The following LRBA variants were observed in gnomAD, a reference collection of about 807,000 sequenced individuals.
LRBA encodes LPS responsive beige-like anchor protein, also known as lipopolysaccharide-responsive and beige-like anchor protein.
A neutral mutation model predicts 330.0 loss-of-function variants in LRBA; 176 were observed. That is an observed-to-expected ratio of 0.53 (90% CI 0.47 to 0.60). The LOEUF is 0.60. Among genes scored for constraint, LRBA ranks in the 20% least tolerant of loss-of-function variants. The pLI is 0.00. For missense variants in LRBA, 3,259 were observed against 3,444.8 expected (o/e 0.95, Z 1.35); for synonymous variants, 1,230 against 1,193.0 (o/e 1.03, Z -0.64).
At chr4:150,680,890 A>T (rs1158007350) in intron 37 of LRBA, among the ~76,000 whole-genome samples, 1 of 152,224 alleles carries the variant, frequency 6.6e-6, no homozygotes, top group Non-Finnish European at 1.5e-5. Flanking sequence ...TAGAAAAGCC[A>T]TCAATAGTGA....
chr4:150,348,331 T>C (rs1052227530), intron 48 of LRBA, among the ~76,000 whole-genome samples: 8 of 152,166 alleles, frequency 5.3e-5, no homozygotes, highest in Admixed American at 4.6e-4. Context: ...TGCGTAACCT[T>C]TAATGAAAAG....
chr4:150,305,783 T>C (rs1046491590), intron 52 of LRBA, among the ~76,000 whole-genome samples: 2 of 152,222 alleles, frequency 1.3e-5, no homozygotes, highest in Admixed American at 6.5e-5. Flanking sequence ...TGGAAAACAT[T>C]ATTTTTTTAA....
In LRBA at chr4:150,915,700, A is replaced by G. The variant is rs1405065555; in HGVS notation, c.922T>C (p.Tyr308His). Reference sequence around the variant, plus strand: ...AGTTCACTATTCTTCCATCGGTTATAGATGTGTACTATGGTAACCATATAC... The same window carrying G: ...AGTTCACTATTCTTCCATCGGTTATGGATGTGTACTATGGTAACCATATAC... ...KWYMVTIVHI[Y>H]NRWKNSELRC... Residue 308 changes from tyrosine (Y) to histidine (H), a missense_variant, in exon 8 of 57, where the codon TAT becomes CAT. Tyr to His is a moderately conservative substitution (Grantham distance 83). Coordinates refer to ENST00000651943, the MANE Select transcript of LRBA (RefSeq NM_001364905.1). The G allele has an allele frequency of 6.2e-7, 1 of 1,612,572 alleles. No individual in the cohort carries two copies. Among genetic ancestry groups the G allele is most frequent in the Admixed American group, 1.7e-5 (1 of 59,946 alleles).
At position 150,842,901 on chromosome 4, in the gene LRBA, G is replaced by T. The variant is rs116660998; in HGVS notation, c.4569+1199C>A. 4.6e-3 allele frequency among the ~76,000 whole-genome samples: 697 copies of T among 152,214 alleles called. 6 individuals are homozygous for T. Among genetic ancestry groups the T allele is most frequent in the African/African-American group, 0.016 (666 of 41,514 alleles). ...ACAATTTTTCAATGGACCTGTAGGGGGTAAGAGGCGGGGTGGGGGTAGGGG... is the reference window on the plus strand; with the variant it reads ...ACAATTTTTCAATGGACCTGTAGGGTGTAAGAGGCGGGGTGGGGGTAGGGG... On this transcript the variant is annotated intron_variant, in intron 28 of 56. Transcript: ENST00000651943.
chr4:150,277,532 A>G (rs937308704), intron 56 of LRBA, among the ~76,000 whole-genome samples: 2 of 152,180 alleles, frequency 1.3e-5, no homozygotes, highest in Non-Finnish European at 2.9e-5. Context: ...AAGAGTGGCA[A>G]TGTCATCAGA....
At chr4:150,890,052 A>G (rs1466364223) in intron 17 of LRBA, among the ~76,000 whole-genome samples, 1 of 152,200 alleles carries the variant, frequency 6.6e-6, no homozygotes, top group Non-Finnish European at 1.5e-5. Flanking sequence ...GACCTTATCT[A>G]CTACTACTGT....
At chr4:150,527,410 G>C (rs1251024979) in intron 40 of LRBA, among the ~76,000 whole-genome samples, 2 of 152,142 alleles carry the variant, frequency 1.3e-5, no homozygotes, top group Admixed American at 1.3e-4. Context: ...CTTGAGGGCA[G>C]ACTAAAGATT....
At chr4:150,832,215 A>C (rs530720997) in intron 28 of LRBA, among the ~76,000 whole-genome samples, 1 of 152,316 alleles carries the variant, frequency 6.6e-6, no homozygotes, top group Admixed American at 6.5e-5. Context: ...GAAAGAGAGA[A>C]GTTAGCTCAT....
chr4:150,914,593 A>T (rs1732376946), intron 8 of LRBA, among the ~76,000 whole-genome samples: 2 of 152,150 alleles, frequency 1.3e-5, no homozygotes, highest in South Asian at 4.1e-4. Context: ...ATCCTATGCC[A>T]CTGAGTATGG....
chr4:150,736,485 G>C (rs1257621344), intron 35 of LRBA, among the ~76,000 whole-genome samples: 1 of 151,920 alleles, frequency 6.6e-6, no homozygotes, highest in Non-Finnish European at 1.5e-5. Flanking sequence ...GATTTACTGG[G>C]TTATTAAGCT....
chr4:150,634,799 A>G (rs1002815482), intron 37 of LRBA, among the ~76,000 whole-genome samples: 1 of 152,220 alleles, frequency 6.6e-6, no homozygotes, highest in Admixed American at 6.5e-5. Flanking sequence ...AGAGGCTGAT[A>G]AATACAGTTT....
intron 7 of LRBA, 98 bp downstream of exon 7, chr4:150,916,303 G>A (rs973106591): frequency 8.3e-7 from 1 of 1,206,170 alleles, no homozygotes; most frequent in African/African-American, 1.5e-5. Context: ...AAACGAAGTT[G>A]TGCTTTAGCA....
At chr4:150,976,613 C>T (rs1362134279) in intron 2 of LRBA, among the ~76,000 whole-genome samples, 1 of 152,136 alleles carries the variant, frequency 6.6e-6, no homozygotes, top group African/African-American at 2.4e-5. Context: ...CAAGCCTTCA[C>T]CGATCATCGC....
chr4:150,984,465 C>A (rs1468376944), intron 2 of LRBA, among the ~76,000 whole-genome samples: 1 of 151,780 alleles, frequency 6.6e-6, no homozygotes. Flanking sequence ...GTGGAGATTG[C>A]GCCATTGCAC....
intron 24 of LRBA, among the ~76,000 whole-genome samples, chr4:150,850,508 G>C (rs1025698960): frequency 6.6e-6 from 1 of 152,108 alleles, no homozygotes; most frequent in Non-Finnish European, 1.5e-5. Flanking sequence ...TTTTTTAAAA[G>C]AGAAACCTCT....
At chr4:150,273,337 G>A (rs1423552827) in intron 56 of LRBA, among the ~76,000 whole-genome samples, 3 of 152,228 alleles carry the variant, frequency 2.0e-5, no homozygotes, top group African/African-American at 7.2e-5. Context: ...GGAACAACCG[G>A]TACCAGCCAC....
intron 13 of LRBA, 45 bp downstream of exon 13, chr4:150,905,793 A>G: frequency 6.7e-7 from 1 of 1,503,712 alleles, no homozygotes; most frequent in South Asian, 1.3e-5. Context: ...ACGCACAAAA[A>G]CAGCAAAGAT....
chr4:150,410,481 G>A (rs983623090), intron 47 of LRBA, among the ~76,000 whole-genome samples: 1 of 151,994 alleles, frequency 6.6e-6, no homozygotes, highest in African/African-American at 2.4e-5. Context: ...AGTACTATTT[G>A]TGTCACCATT....
chr4:150,269,812 GC>G (rs1323949474), intron 56 of LRBA, among the ~76,000 whole-genome samples: 1 of 152,016 alleles, frequency 6.6e-6, no homozygotes, highest in African/African-American at 2.4e-5. Context: ...GGGCATGGTG[GC>G]ACATGCCTGG....
Sources: gnomAD v4.1 joint callset for allele counts (sites outside exome capture counted in the v4.1 genomes callset) on GRCh38, gnomAD v4.1.1 for gene constraint, MANE v1.5 for transcripts, NCBI Gene and HGNC (gene_info 2026-07-23, HGNC 2026-07-21) for gene names.